The following TRIM31 variants were observed in gnomAD, a reference collection of about 807,000 sequenced individuals.
TRIM31 encodes E3 ubiquitin-protein ligase TRIM31.
In TRIM31, 31 loss-of-function variants were observed where a neutral mutation model predicts 40.6. The observed-to-expected ratio is 0.76, with a 90% CI of 0.57 to 1.03. TRIM31 has a LOEUF of 1.03. TRIM31 is among the 50% of genes least tolerant of loss of function. The pLI is 0.00. For synonymous variants in TRIM31, 164 were observed against 193.9 expected (o/e 0.85, Z 1.28); for missense variants, 455 against 497.5 (o/e 0.91, Z 0.81).
chr6:30,103,580 G>T lies in TRIM31; in HGVS notation c.1234C>A (p.Leu412Met). The change falls in exon 9 of 9, where the codon CTG (leucine) becomes ATG (methionine). Residue 412 changes from leucine to methionine, a missense_variant. By Grantham distance (15) the Leu-to-Met change is conservative. Coordinates refer to ENST00000376734, the MANE Select transcript of TRIM31 (RefSeq NM_007028.5). ...CAAAACCAAGCCCGGATCGCTGTCA[G>T]CCACTCACTCAGTGCCGCATGGAGC... ...EELHAALSEW[L>M]TAIRAWFCEV... The T allele has an allele frequency of 9.3e-6, 15 of 1,613,050 alleles. No homozygotes were observed. Among genetic ancestry groups the T allele is most frequent in the Non-Finnish European group, 1.3e-5 (15 of 1,180,040 alleles).
intron 3 of TRIM31, 90 bp from the exon 4 acceptor site, chr6:30,110,768 T>C: frequency 7.8e-7 from 1 of 1,277,434 alleles, no homozygotes. Context: ...ATTAAGTTTG[T>C]GTGGAATTCC....
Position 30,112,784 on chromosome 6 carries a change from T to G in TRIM31, c.22A>C (p.Asn8His). The G allele has an allele frequency of 6.2e-7, 1 of 1,610,494 alleles. No homozygotes were observed. The highest frequency in any genetic ancestry group is 8.5e-7 in the Non-Finnish European group (1 of 1,178,748). The change falls in exon 2 of 9, where the codon AAC (asparagine) becomes CAC (histidine). Residue 8 changes from asparagine (N) to histidine (H), a missense_variant. Coordinates refer to ENST00000376734, the MANE Select transcript of TRIM31 (RefSeq NM_007028.5). ...CAGATCACTTCCTCTTGCAGTTTGT[T>G]CACAAACTGCCCACTGGCCATGACA... MASGQFV[N>H]KLQEEVICPI...
intron 5 of TRIM31, chr6:30,108,657 G>C (rs750262567): frequency 7.7e-6 from 3 of 389,254 alleles, no homozygotes; most frequent in Non-Finnish European, 1.4e-5. Flanking sequence ...GCGGGAGTGA[G>C]GTAGGGCATA....
At chr6:30,104,691 C>T (rs189178975) in intron 7 of TRIM31, among the ~76,000 whole-genome samples, 33 of 152,328 alleles carry the variant, frequency 2.2e-4, no homozygotes, top group African/African-American at 7.0e-4. Context: ...ATATTAGATG[C>T]GCACATAGTG....
At chr6:30,105,074 T>C (rs1438300581) in intron 7 of TRIM31, 94 bp downstream of exon 7, 5 of 1,092,706 alleles carry the variant, frequency 4.6e-6, no homozygotes, top group East Asian at 2.4e-5. Context: ...CATTCACTTA[T>C]ATCTGGCCTT....
At chr6:30,109,695 A>G (rs1769098856) in intron 4 of TRIM31, among the ~76,000 whole-genome samples, 1 of 152,154 alleles carries the variant, frequency 6.6e-6, no homozygotes, top group Non-Finnish European at 1.5e-5. Context: ...ATCCTGGCCA[A>G]CATGGTAAAA....
chr6:30,108,884 G>T, intron 5 of TRIM31, 142 bp downstream of exon 5: 3 of 906,214 alleles, frequency 3.3e-6, no homozygotes, highest in Non-Finnish European at 1.8e-6. Flanking sequence ...GCATTCCCCG[G>T]CTGCAGCCTA....
Position 30,103,140 on chromosome 6 carries a change from A to C in TRIM31, c.*396T>G. 3.9e-6 allele frequency: 1 copy of C among 256,656 alleles called. No homozygotes were observed. The highest frequency in any genetic ancestry group is 7.6e-6 in the Non-Finnish European group (1 of 131,874). The allele number at this position is 256,656 out of a possible 1,614,324, so 15.9% of individuals were successfully genotyped here. ...CATGGGGTTTGATGGACTGTGACCC[A>C]GGCTGGCGTTGCTCCTCTCCGGATT... is the stretch of plus-strand genomic sequence containing the variant. On this transcript the variant is annotated 3_prime_UTR_variant, in exon 9 of 9. Transcript: ENST00000376734.
rs146520137 is a variant in TRIM31 at position 30,111,114 on chromosome 6, T to G, written c.514-436A>C. The G allele has an allele frequency of 8.5e-3, 1,540 of 181,516 alleles. 13 individuals carry two copies. Among genetic ancestry groups the G allele is most frequent in the Middle Eastern group, 0.019 (7 of 374 alleles). 11.2% of individuals were successfully genotyped at this position (181,516 alleles called of 1,614,324 possible). A position where few individuals can be genotyped will look rare whatever the true frequency, so the allele number is the denominator to read the frequency against. On this transcript the variant is annotated intron_variant, in intron 3 of 8. Transcript: ENST00000376734. ...TGCACGATCACGGCTCACTGCAGCC[T>G]CATCCTCCCAGGCTCAAACAATACT...
Position 30,111,748 on chromosome 6 carries a change from G to C in TRIM31, c.418-5C>G. 6.2e-7 allele frequency: 1 copy of C among 1,614,120 alleles called. No homozygotes were observed. The highest frequency in any genetic ancestry group is 8.5e-7 in the Non-Finnish European group (1 of 1,179,988). ...GATCTGCTCTTGAATCTGCCCCTGC[G>C]GAAAGAGGGCCGTTTGGACAGGCTG... On this transcript the variant is annotated splice_polypyrimidine_tract_variant and splice_region_variant and intron_variant, in intron 2 of 8. Transcript: ENST00000376734.
chr6:30,108,918 G>T, intron 5 of TRIM31, 108 bp downstream of exon 5: 1 of 1,162,806 alleles, frequency 8.6e-7, no homozygotes, highest in East Asian at 2.3e-5. Flanking sequence ...AGAGTTAGAG[G>T]TGGGTGGGTA....
At position 30,108,153 on chromosome 6, in the gene TRIM31, C is replaced by T. The variant is rs1768909629; in HGVS notation, c.783G>A (p.Gln261=). 1.2e-6 allele frequency: 2 copies of T among 1,608,844 alleles called. No individual in the cohort carries two copies. The highest frequency in any genetic ancestry group is 1.3e-5 in the African/African-American group (1 of 74,766). The change falls in exon 6 of 9, where the codon CAG becomes CAA. Residue 261 remains glutamine (Q), a synonymous_variant. Coordinates refer to ENST00000376734, the MANE Select transcript of TRIM31 (RefSeq NM_007028.5). ...KVVLCRSEEF[Q]FLNPTPVPLE... is the part of the protein sequence containing the mutation. ...GAGGAACAGGGGTTGGGTTGAGAAACTGAAACTCTTCACTTCTAGGAAGAT... is the reference window on the plus strand; with the variant it reads ...GAGGAACAGGGGTTGGGTTGAGAAATTGAAACTCTTCACTTCTAGGAAGAT...
intron 5 of TRIM31, chr6:30,108,632 G>A (rs1329429317): frequency 9.6e-6 from 3 of 312,826 alleles, no homozygotes; most frequent in Non-Finnish European, 1.8e-5. Context: ...AGAAAGTCAG[G>A]GCTAGGGATA....
intron 6 of TRIM31, among the ~76,000 whole-genome samples, chr6:30,106,269 C>T (rs1002687642): frequency 3.9e-5 from 6 of 152,306 alleles, no homozygotes; most frequent in Middle Eastern, 6.8e-3. Flanking sequence ...CTGAGAGCCA[C>T]CAGCCCAGTC....
At chr6:30,108,891 C>T (rs1450540131) in intron 5 of TRIM31, 135 bp downstream of exon 5, 9 of 978,518 alleles carry the variant, frequency 9.2e-6, no homozygotes, top group Admixed American at 1.8e-5. Flanking sequence ...CCGGCTGCAG[C>T]CTAAATGTAT....
chr6:30,105,299 CT>C, intron 6 of TRIM31, 57 bp from the exon 7 acceptor site: 1 of 1,340,212 alleles, frequency 7.5e-7, no homozygotes, highest in Non-Finnish European at 1.1e-6. Flanking sequence ...GAGCAAAGAA[CT>C]CACTATCACA....
At chr6:30,106,250 G>T (rs1250255248) in intron 6 of TRIM31, among the ~76,000 whole-genome samples, 2 of 152,192 alleles carry the variant, frequency 1.3e-5, no homozygotes, top group African/African-American at 4.8e-5. Context: ...ACAAGCGTGG[G>T]TAGCTTCCCT....
chr6:30,113,020 C>T (rs1312313928), intron 1 of TRIM31, 44 bp downstream of exon 1: 1 of 528,318 alleles, frequency 1.9e-6, no homozygotes, highest in Non-Finnish European at 3.3e-6. Context: ...AATTTAGGAT[C>T]TAGAAAATAT....
intron 5 of TRIM31, 85 bp from the exon 6 acceptor site, chr6:30,108,253 G>T (rs1768924384): frequency 3.1e-6 from 3 of 966,028 alleles, no homozygotes; most frequent in Non-Finnish European, 5.0e-6. Context: ...GTTGAGAAAT[G>T]AGGGGATGAA....
Sources: allele counts gnomAD v4.1 joint callset (sites outside exome capture counted in the v4.1 genomes callset), GRCh38; gene constraint gnomAD v4.1.1; transcripts MANE v1.5; gene names NCBI Gene and HGNC (gene_info 2026-07-23, HGNC 2026-07-21).